The following ZNF519 variants were observed in gnomAD, a reference collection of about 807,000 sequenced individuals.
The protein encoded by ZNF519 is zinc finger protein 519, also known as similar to Zinc finger protein 85 (Zinc finger protein HPF4) (HTF1).
In ZNF519, 7 loss-of-function variants were observed where a neutral mutation model predicts 7.4. That is an observed-to-expected ratio of 0.94 (90% CI 0.54 to 1.77). ZNF519 has a LOEUF of 1.77. Ranked by LOEUF, ZNF519 falls within the 40% of genes most tolerant of loss-of-function variation. ZNF519 has a pLI of 0.00. For missense variants in ZNF519, 586 were observed against 623.1 expected (o/e 0.94, Z 0.63); for synonymous variants, 179 against 203.3 (o/e 0.88, Z 1.02).
downstream of ZNF519, chr18:14,075,489 A>G (rs890646623): frequency 1.3e-5 from 2 of 152,216 alleles, no homozygotes; most frequent in Non-Finnish European, 2.9e-5. Context: ...GTGAACATAG[A>G]AAACAAGTTT....
intron 2 of ZNF519, among the ~76,000 whole-genome samples, chr18:14,116,565 A>G (rs12607781): frequency 0.27 from 40,827 of 152,156 alleles, 6,015 homozygotes; most frequent in South Asian, 0.38. Context: ...TAAGGAAAAG[A>G]TAGTCTCTTC....
Position 14,130,475 on chromosome 18 carries a change from A to C in ZNF519, c.3+1800T>G, listed in dbSNP as rs562106971. ...AATTAAAAAAACCGAAGTTGAAATA[A>C]GTGAGCAAATCTATACAGGGGGACA... On this transcript the variant is annotated intron_variant, in intron 1 of 2. Coordinates refer to ENST00000590202, the MANE Select transcript of ZNF519 (RefSeq NM_145287.4). Among the ~76,000 whole-genome samples, 3 of 152,234 alleles carry C rather than the reference A, an allele frequency of 2.0e-5. No homozygotes were observed. In the South Asian group the frequency reaches 6.2e-4, roughly 32 times the overall value.
chr18:14,097,935 A>G (rs1285999066), downstream of ZNF519, among the ~76,000 whole-genome samples: 1 of 152,156 alleles, frequency 6.6e-6, no homozygotes, highest in Non-Finnish European at 1.5e-5. Flanking sequence ...AACAAACACA[A>G]TGAGTTTGTG....
downstream of ZNF519, chr18:14,071,319 A>C (rs1401402411): frequency 6.6e-6 from 1 of 152,154 alleles, no homozygotes; most frequent in Non-Finnish European, 1.5e-5. Flanking sequence ...ATCACAATTA[A>C]TTACAGAGGG....
At chr18:14,087,384 CT>C (rs1202260189) in intron 2 of ZNF519, among the ~76,000 whole-genome samples, 2 of 152,282 alleles carry the variant, frequency 1.3e-5, no homozygotes, top group East Asian at 3.9e-4. Context: ...TGCATAGCTA[CT>C]TTTGTGTTAA....
chr18:14,116,242 A>G (rs1598519882), intron 2 of ZNF519, among the ~76,000 whole-genome samples: 1 of 152,368 alleles, frequency 6.6e-6, no homozygotes, highest in East Asian at 1.9e-4. Context: ...TGACAATAGT[A>G]TCCCCAGTGA....
intron 2 of ZNF519, among the ~76,000 whole-genome samples, chr18:14,119,161 A>G (rs947746322): frequency 1.3e-5 from 2 of 152,200 alleles, no homozygotes; most frequent in African/African-American, 4.8e-5. Flanking sequence ...GGCAGACCCC[A>G]CAGTGACCCA....
chr18:14,108,177 T>C (rs114665091), intron 2 of ZNF519, among the ~76,000 whole-genome samples: 2,375 of 152,238 alleles, frequency 0.016, 66 homozygotes, highest in African/African-American at 0.055. Flanking sequence ...GCAGTCCTAC[T>C]GATAGTGACA....
chr18:14,105,419 T>C lies in ZNF519; in HGVS notation c.1121A>G (p.Lys374Arg). The change falls in exon 3 of 3, where the codon AAA becomes AGA. Residue 374 changes from lysine to arginine, a missense_variant. Lys to Arg is a conservative substitution (Grantham distance 26). Transcript: ENST00000590202. ...TQHQRIHTGE[K>R]PFRCKECGKA... ...GCCACATTCCTTACATCTGAAAGGT[T>C]TCTCTCCGGTATGGATTCTCTGGTG... 6.2e-7 allele frequency: 1 copy of C among 1,613,936 alleles called. No individual in the cohort carries two copies. Among genetic ancestry groups the C allele is most frequent in the Non-Finnish European group, 8.5e-7 (1 of 1,179,982 alleles).
At chr18:14,071,641 T>C (rs2046028713), downstream of ZNF519, 1 of 152,160 alleles carries the variant, frequency 6.6e-6, no homozygotes, top group South Asian at 2.1e-4. Context: ...AATGCAGCAA[T>C]GCTGGTCCTG....
At chr18:14,087,426 G>C (rs375550360) in intron 2 of ZNF519, among the ~76,000 whole-genome samples, 1 of 152,130 alleles carries the variant, frequency 6.6e-6, no homozygotes, top group African/African-American at 2.4e-5. Flanking sequence ...ATATATTTTG[G>C]TGAATGTGAA....
intron 2 of ZNF519, among the ~76,000 whole-genome samples, chr18:14,088,946 T>C (rs1187306383): frequency 6.6e-6 from 1 of 151,430 alleles, no homozygotes; most frequent in Non-Finnish European, 1.5e-5. Flanking sequence ...ATGTAAGATA[T>C]GTTTTTGGAA....
chr18:14,097,187 G>A (rs1294452749), downstream of ZNF519, among the ~76,000 whole-genome samples: 3 of 152,162 alleles, frequency 2.0e-5, no homozygotes, highest in African/African-American at 7.2e-5. Context: ...CAGTGATGAT[G>A]AAATTAACAA....
At chr18:14,094,750 C>CT (rs2046128552) in intron 2 of ZNF519, among the ~76,000 whole-genome samples, 1 of 151,866 alleles carries the variant, frequency 6.6e-6, no homozygotes. Flanking sequence ...TTTCTGTGCC[C>CT]TTATCTTGTT....
intron 2 of ZNF519, among the ~76,000 whole-genome samples, chr18:14,109,123 A>G (rs1162091600): frequency 6.6e-6 from 1 of 151,578 alleles, no homozygotes; most frequent in Non-Finnish European, 1.5e-5. Context: ...GTCTCAAAAA[A>G]AAAAAAAAAA....
chr18:14,096,438 C>T (rs1203130047), downstream of ZNF519, among the ~76,000 whole-genome samples: 1 of 152,138 alleles, frequency 6.6e-6, no homozygotes, highest in Non-Finnish European at 1.5e-5. Flanking sequence ...TGCTTCATTC[C>T]CTCGTGTATA....
intron 3 of ZNF519, among the ~76,000 whole-genome samples, chr18:14,081,149 A>G (rs7242001): frequency 0.022 from 3,358 of 152,294 alleles, 124 homozygotes; most frequent in African/African-American, 0.074. Flanking sequence ...ACTGTAATGC[A>G]AACTATTGAC....
chr18:14,107,847 G>A (rs929063651), intron 2 of ZNF519, among the ~76,000 whole-genome samples: 5 of 152,134 alleles, frequency 3.3e-5, no homozygotes, highest in African/African-American at 1.2e-4. Flanking sequence ...TTCTGCCTGT[G>A]GAATAAGGAC....
chr18:14,116,985 T>A (rs1051389338), intron 2 of ZNF519, among the ~76,000 whole-genome samples: 1 of 152,184 alleles, frequency 6.6e-6, no homozygotes, highest in Non-Finnish European at 1.5e-5. Flanking sequence ...CACTCCAGCA[T>A]GGGCAACGAG....
Sources: gnomAD v4.1 joint callset for allele counts (sites outside exome capture counted in the v4.1 genomes callset) on GRCh38, gnomAD v4.1.1 for gene constraint, MANE v1.5 for transcripts, NCBI Gene and HGNC (gene_info 2026-07-23, HGNC 2026-07-21) for gene names.